CDCP1: variants seen among roughly 807,000 people sequenced by gnomAD.
The protein encoded by CDCP1 is CUB domain containing protein 1, also known as CUB domain-containing protein 1.
In CDCP1, 29 loss-of-function variants were observed where a neutral mutation model predicts 60.2. The ratio of observed to expected loss-of-function variants is 0.48; its 90% CI spans 0.36 to 0.66. CDCP1 has a LOEUF of 0.66. Ranked by LOEUF, CDCP1 falls within the 30% of genes least tolerant of loss-of-function variation. The probability of loss-of-function intolerance (pLI) is 0.00; values close to 1 mark genes in which losing one functional copy is unlikely to be tolerated. For synonymous variants in CDCP1, 387 were observed against 431.1 expected (o/e 0.90, Z 1.27); for missense variants, 876 against 1,074.3 (o/e 0.82, Z 2.58).
At chr3:45,100,639 C>T (rs1698473373) in intron 4 of CDCP1, among the ~76,000 whole-genome samples, 1 of 152,068 alleles carries the variant, frequency 6.6e-6, no homozygotes, top group South Asian at 2.1e-4. Context: ...ATTTCTCTTT[C>T]TTCCTTGAAT....
intron 2 of CDCP1, 91 bp downstream of exon 2, chr3:45,118,321 A>G: frequency 1.0e-6 from 1 of 956,288 alleles, no homozygotes; most frequent in South Asian, 1.4e-5. Context: ...GCTCTCTAGC[A>G]TTAGAGACTG....
chr3:45,110,369 A>G, intron 4 of CDCP1, 104 bp downstream of exon 4: 2 of 1,491,950 alleles, frequency 1.3e-6, no homozygotes, highest in Non-Finnish European at 1.8e-6. Flanking sequence ...AGTGTTTCAG[A>G]AGCCACAGAT....
At chr3:45,094,717 T>TG (rs1349134878) in intron 5 of CDCP1, among the ~76,000 whole-genome samples, 1 of 10,238 alleles carries the variant, frequency 9.8e-5, no homozygotes, top group Non-Finnish European at 1.9e-4. Flanking sequence ...GTGTGGGGTG[T>TG]GGGGGGATGG....
In CDCP1 at chr3:45,108,926, TGCATGTATACATATATATATATA is replaced by T. The variant is rs1698634504; in HGVS notation, c.1024+1524_1024+1546del. The stretch of plus-strand genomic sequence containing the variant: ...ATGCATGTATACATATATATATATA[TGCATGTATACATATATATATATA>T]TATATTTTTTTTTTTTTTGAGATGG... On this transcript the variant is annotated intron_variant, in intron 4 of 8. Transcript: ENST00000296129. 1.0e-4 allele frequency among the ~76,000 whole-genome samples: 6 copies of T among 57,212 alleles called. 2 individuals are homozygous for T. The highest frequency in any genetic ancestry group is 3.9e-4 in the Admixed American group (2 of 5,184). The allele number at this position is 57,212 out of a possible 152,430, so 37.5% of individuals were successfully genotyped here. A position where few individuals can be genotyped will look rare whatever the true frequency, so the allele number is the denominator to read the frequency against.
intron 4 of CDCP1, among the ~76,000 whole-genome samples, chr3:45,104,244 T>C (rs1317463707): frequency 2.6e-5 from 4 of 152,266 alleles, no homozygotes; most frequent in South Asian, 4.1e-4. Flanking sequence ...CTGCCCGTTA[T>C]GAGGAGGCTC....
At chr3:45,142,129 G>A (rs1699300652) in intron 1 of CDCP1, among the ~76,000 whole-genome samples, 1 of 151,962 alleles carries the variant, frequency 6.6e-6, no homozygotes, top group Admixed American at 6.6e-5. Flanking sequence ...CACTGCGCCT[G>A]GCTCGGTATA....
intron 1 of CDCP1, among the ~76,000 whole-genome samples, chr3:45,128,837 C>T (rs1699041638): frequency 6.6e-6 from 1 of 152,202 alleles, no homozygotes. Flanking sequence ...CCTGCCTCAG[C>T]CTCCCGAGTA....
chr3:45,107,973 T>C (rs1291666988), intron 4 of CDCP1, among the ~76,000 whole-genome samples: 1 of 151,176 alleles, frequency 6.6e-6, no homozygotes, highest in Non-Finnish European at 1.5e-5. Flanking sequence ...AAAAAATTAG[T>C]TGGGTGTGGT....
intron 1 of CDCP1, among the ~76,000 whole-genome samples, chr3:45,120,999 G>A (rs4682768): frequency 0.97 from 147,092 of 152,144 alleles, 71,173 homozygotes; most frequent in East Asian, 0.98. Flanking sequence ...GTATTTTTTA[G>A]TGGTAGCCCC....
At chr3:45,130,544 T>C (rs1699073434) in intron 1 of CDCP1, among the ~76,000 whole-genome samples, 1 of 152,214 alleles carries the variant, frequency 6.6e-6, no homozygotes, top group African/African-American at 2.4e-5. Context: ...AGTCGATCTT[T>C]GTGCCTGTAA....
chr3:45,110,564 G>A lies in CDCP1; in HGVS notation c.933C>T (p.Leu311=), dbSNP rs1698668616. 6.2e-7 allele frequency: 1 copy of A among 1,614,218 alleles called. No individual in the cohort carries two copies. Among genetic ancestry groups the A allele is most frequent in the East Asian group, 2.2e-5 (1 of 44,884 alleles). ...CATCTTGGTCACAGCCTTGCAGAGA[G>A]AGGTTGAAGTTCCCCGCCATGTTCC... ...QPGNMAGNFN[L]SLQGCDQDAQ... is the part of the protein sequence containing the mutation. Residue 311 remains leucine (L), a synonymous_variant, in exon 4 of 9, where the codon CTC becomes CTT. Transcript: ENST00000296129.
chr3:45,101,319 T>G (rs1698481867), intron 4 of CDCP1, among the ~76,000 whole-genome samples: 1 of 152,208 alleles, frequency 6.6e-6, no homozygotes, highest in Non-Finnish European at 1.5e-5. Context: ...GCAGACAAAC[T>G]AAGGCTAGGA....
chr3:45,110,941 A>C, intron 3 of CDCP1, 100 bp from the exon 4 acceptor site: 10 of 1,342,206 alleles, frequency 7.5e-6, no homozygotes, highest in Non-Finnish European at 1.0e-5. Flanking sequence ...AAATGACTGC[A>C]GTTCTCAGAT....
chr3:45,124,579 G>C (rs1389779248), intron 1 of CDCP1, among the ~76,000 whole-genome samples: 2 of 152,150 alleles, frequency 1.3e-5, no homozygotes, highest in Non-Finnish European at 2.9e-5. Flanking sequence ...TGTGAGTCAG[G>C]TTCCACTTAT....
In CDCP1 at chr3:45,084,897, G is replaced by A. The variant is rs1698163654; in HGVS notation, c.*741C>T. On this transcript the variant is annotated 3_prime_UTR_variant, in exon 9 of 9. Transcript: ENST00000296129. The stretch of plus-strand genomic sequence containing the variant: ...AATTTCTCTTATTGCTAGGACTATA[G>A]GACAATGGGATTCAAGATGAATTTC... 1 of 152,618 alleles carries A rather than the reference G, an allele frequency of 6.6e-6. No individual in the cohort carries two copies. Among genetic ancestry groups the A allele is most frequent in the South Asian group, 2.1e-4 (1 of 4,836 alleles). The allele number at this position is 152,618 out of a possible 1,614,324, so 9.5% of individuals were successfully genotyped here.
Position 45,118,435 on chromosome 3 carries a change from A to C in CDCP1, c.269T>G (p.Val90Gly). 1 of 1,614,042 alleles carries C rather than the reference A, an allele frequency of 6.2e-7. No individual in the cohort carries two copies. Among genetic ancestry groups the C allele is most frequent in the Non-Finnish European group, 8.5e-7 (1 of 1,179,868 alleles). Residue 90 changes from valine to glycine, a missense_variant, in exon 2 of 9, where the codon GTC becomes GGC. By Grantham distance (109) the Val-to-Gly change is moderately radical. This residue lies in a region of CDCP1 where 150 missense variants were observed against 138.6 expected (regional missense o/e 1.08). Coordinates refer to ENST00000296129, the MANE Select transcript of CDCP1 (RefSeq NM_022842.5). ...ACCAATATTTTTCTGGATCTCTATG[A>C]CAAAGTGATTCTCAGGACTCTGGCA... is the stretch of plus-strand genomic sequence containing the variant. ...FSCQSPENHF[V>G]IEIQKNIDCM...
intron 2 of CDCP1, among the ~76,000 whole-genome samples, chr3:45,115,853 G>A (rs148740683): frequency 3.4e-5 from 5 of 145,666 alleles, no homozygotes; most frequent in Admixed American, 3.3e-4. Context: ...ACAGGCACAT[G>A]CCACCACGCC....
At chr3:45,104,656 G>A (rs774366169) in intron 4 of CDCP1, among the ~76,000 whole-genome samples, 3 of 152,286 alleles carry the variant, frequency 2.0e-5, no homozygotes, top group Non-Finnish European at 2.9e-5. Context: ...CAAATTAACC[G>A]CTCAATGTTC....
chr3:45,106,534 A>G (rs539733532), intron 4 of CDCP1, among the ~76,000 whole-genome samples: 3 of 152,206 alleles, frequency 2.0e-5, no homozygotes, highest in Admixed American at 2.0e-4. Flanking sequence ...GATTGGTGCA[A>G]CACGGATTTA....
Sources: allele counts gnomAD v4.1 joint callset (sites outside exome capture counted in the v4.1 genomes callset), GRCh38; gene constraint gnomAD v4.1.1; regional missense constraint gnomAD v4.1.1; transcripts MANE v1.5; gene names NCBI Gene and HGNC (gene_info 2026-07-23, HGNC 2026-07-21).